ARHGAP26: variants seen among roughly 807,000 people sequenced by gnomAD.
The protein encoded by ARHGAP26 is Rho GTPase activating protein 26.
A neutral mutation model predicts 104.8 loss-of-function variants in ARHGAP26; 38 were observed. That is an observed-to-expected ratio of 0.36 (90% CI 0.28 to 0.48). The LOEUF is 0.48. Among genes scored for constraint, ARHGAP26 ranks in the 20% least tolerant of loss-of-function variants. The pLI is 0.99. For synonymous variants in ARHGAP26, 341 were observed against 340.0 expected (o/e 1.00, Z -0.03); for missense variants, 704 against 947.9 (o/e 0.74, Z 3.38).
At chr5:142,990,287 C>T (rs760445494) in intron 11 of ARHGAP26, among the ~76,000 whole-genome samples, 25 of 152,290 alleles carry the variant, frequency 1.6e-4, no homozygotes, top group Admixed American at 9.2e-4. Flanking sequence ...GTTCTTGTGC[C>T]GTGGTTTTCA....
chr5:143,172,878 A>C (rs1209296614), intron 20 of ARHGAP26: 2 of 170,940 alleles, frequency 1.2e-5, no homozygotes, highest in African/African-American at 4.8e-5. Flanking sequence ...AAGGGCAGAT[A>C]CCCATGTTGT....
At chr5:142,988,011 A>G (rs1775019542) in intron 11 of ARHGAP26, among the ~76,000 whole-genome samples, 1 of 152,162 alleles carries the variant, frequency 6.6e-6, no homozygotes, top group African/African-American at 2.4e-5. Flanking sequence ...GGCCTCATAA[A>G]ATGAGTTAGG....
chr5:142,834,407 G>A (rs191109041), intron 1 of ARHGAP26, among the ~76,000 whole-genome samples: 178 of 152,236 alleles, frequency 1.2e-3, no homozygotes, highest in African/African-American at 4.2e-3. Context: ...TAATCATTTT[G>A]GAAACTTATT....
At chr5:142,976,433 TG>T (rs1412367786) in intron 11 of ARHGAP26, among the ~76,000 whole-genome samples, 1 of 152,222 alleles carries the variant, frequency 6.6e-6, no homozygotes, top group East Asian at 1.9e-4. Context: ...TTGGCCCTTT[TG>T]CTAACCCTGA....
At chr5:142,821,235 C>G (rs1766105781) in intron 1 of ARHGAP26, among the ~76,000 whole-genome samples, 1 of 151,040 alleles carries the variant, frequency 6.6e-6, no homozygotes, top group Non-Finnish European at 1.5e-5. Context: ...AGGAGTGCAT[C>G]TCTCTATTCC....
intron 1 of ARHGAP26, among the ~76,000 whole-genome samples, chr5:142,848,538 G>A (rs1334055469): frequency 2.0e-5 from 3 of 152,100 alleles, no homozygotes; most frequent in South Asian, 2.1e-4. Flanking sequence ...GAGTGCAGGC[G>A]CTCCTCACTT....
rs751244756 is a variant in ARHGAP26, at chr5:142,913,235, C to T, written c.970C>T (p.Arg324Trp). The change falls in exon 10 of 23, where the codon CGG becomes TGG. Residue 324 changes from arginine to tryptophan, a missense_variant. Physicochemically the swap from Arg to Trp is moderately radical, Grantham distance 101 (BLOSUM62 -3). Transcript: ENST00000645722. ...DESVILKSCT[R>W]RKTDSIEKRF... Reference sequence around the variant, plus strand: ...ATCAGTTATCCTCAAATCCTGCACACGGCGGAAAACAGACTCCATTGAGAA... The same window carrying T: ...ATCAGTTATCCTCAAATCCTGCACATGGCGGAAAACAGACTCCATTGAGAA... 8 of 1,614,042 alleles carry T rather than the reference C, an allele frequency of 5.0e-6. No homozygotes were observed. The highest frequency in any genetic ancestry group is 2.7e-5 in the African/African-American group (2 of 74,922).
At position 142,993,666 on chromosome 5, in the gene ARHGAP26, C is replaced by T. The variant is rs575437927; in HGVS notation, c.1108-20414C>T. 3.3e-5 allele frequency among the ~76,000 whole-genome samples: 5 copies of T among 151,642 alleles called. No individual in the cohort carries two copies. The East Asian group carries it at 9.8e-4, about 30-fold the overall frequency. On this transcript the variant is annotated intron_variant, in intron 11 of 22. Transcript: ENST00000645722. ...TTTTTTTCTTTTTTTTGAGACAGGG[C>T]CTCGCTCTGTCACCCAGACTGGAGT...
At chr5:143,109,107 AT>A (rs1347348098) in intron 17 of ARHGAP26, among the ~76,000 whole-genome samples, 1 of 152,200 alleles carries the variant, frequency 6.6e-6, no homozygotes, top group Non-Finnish European at 1.5e-5. Flanking sequence ...GACTCTACAA[AT>A]ATTAATATTG....
At chr5:142,831,606 C>T (rs894889411) in intron 1 of ARHGAP26, among the ~76,000 whole-genome samples, 1 of 151,632 alleles carries the variant, frequency 6.6e-6, no homozygotes, top group Non-Finnish European at 1.5e-5. Context: ...ACGCAAGCCA[C>T]CCTCCCCTCC....
At chr5:142,980,310 T>G (rs1007871707) in intron 11 of ARHGAP26, among the ~76,000 whole-genome samples, 1 of 152,144 alleles carries the variant, frequency 6.6e-6, no homozygotes, top group Non-Finnish European at 1.5e-5. Flanking sequence ...AACAATGGAT[T>G]GTTTGTAAAT....
intron 11 of ARHGAP26, among the ~76,000 whole-genome samples, chr5:142,961,997 G>C (rs950140214): frequency 6.6e-5 from 10 of 152,066 alleles, no homozygotes; most frequent in Non-Finnish European, 1.5e-4. Flanking sequence ...AGCATTCCCA[G>C]GTTTGTTTAA....
chr5:142,839,887 A>G (rs1770397557), intron 1 of ARHGAP26, among the ~76,000 whole-genome samples: 1 of 123,514 alleles, frequency 8.1e-6, no homozygotes, highest in South Asian at 3.0e-4. Context: ...CGACAGAGAG[A>G]GAGAGAGGAG....
intron 20 of ARHGAP26, chr5:143,203,561 C>T (rs1176148574): frequency 6.6e-6 from 1 of 152,188 alleles, no homozygotes; most frequent in Non-Finnish European, 1.5e-5. Flanking sequence ...ACCCAGCAAT[C>T]CCACTACTGT....
chr5:142,912,934 G>A (rs985775791), intron 9 of ARHGAP26, among the ~76,000 whole-genome samples: 11 of 152,174 alleles, frequency 7.2e-5, no homozygotes, highest in South Asian at 2.1e-4. Flanking sequence ...GTCAACACTC[G>A]TTTATCTACC....
At chr5:143,157,858 G>T (rs1188301324) in intron 20 of ARHGAP26, among the ~76,000 whole-genome samples, 2 of 152,154 alleles carry the variant, frequency 1.3e-5, no homozygotes, top group South Asian at 2.1e-4. Context: ...AGCCTGTGTG[G>T]CCTGATTGTG....
chr5:143,124,399 A>G (rs1395261420), intron 18 of ARHGAP26, among the ~76,000 whole-genome samples: 1 of 152,148 alleles, frequency 6.6e-6, no homozygotes, highest in East Asian at 1.9e-4. Context: ...TTAAAATAGC[A>G]ATTATTTTAT....
chr5:142,874,241 G>A (rs767702361), intron 2 of ARHGAP26, among the ~76,000 whole-genome samples: 7 of 152,210 alleles, frequency 4.6e-5, no homozygotes, highest in Non-Finnish European at 8.8e-5. Context: ...TGGAGGATTC[G>A]CAATGTCAAG....
intron 1 of ARHGAP26, among the ~76,000 whole-genome samples, chr5:142,785,973 T>A (rs1673511064): frequency 6.8e-6 from 1 of 146,972 alleles, no homozygotes; most frequent in Non-Finnish European, 1.5e-5. Flanking sequence ...GACTGATCCC[T>A]GGTATTTTTT....
Sources: allele counts gnomAD v4.1 joint callset (sites outside exome capture counted in the v4.1 genomes callset), GRCh38; gene constraint gnomAD v4.1.1; transcripts MANE v1.5; gene names NCBI Gene and HGNC (gene_info 2026-07-23, HGNC 2026-07-21).